Variants in UBR4 observed in about 807,000 individuals in gnomAD.
The protein encoded by UBR4 is E3 ubiquitin-protein ligase UBR4.
A neutral mutation model predicts 575.6 loss-of-function variants in UBR4; 124 were observed. The observed-to-expected ratio is 0.22, with a 90% CI of 0.19 to 0.25. UBR4 has a LOEUF of 0.25. UBR4 is among the 10% of genes least tolerant of loss of function. The probability of loss-of-function intolerance (pLI) is 1.00; values close to 1 mark genes in which losing one functional copy is unlikely to be tolerated. For synonymous variants in UBR4, 2,455 were observed against 2,473.7 expected, an observed-to-expected ratio of 0.99 and a Z score of 0.22; for missense variants, 4,818 against 6,478.8, an observed-to-expected ratio of 0.74 and a Z score of 8.80.
rs74969800 is a variant in UBR4, at chr1:19,105,642, C to T, written c.12503+91G>A. 1,468 of 1,008,834 alleles carry T rather than the reference C, an allele frequency of 1.5e-3. 36 individuals carry two copies. In the East Asian group the frequency reaches 0.034, roughly 23 times the overall value. The allele number at this position is 1,008,834 out of a possible 1,614,324, so 62.5% of individuals were successfully genotyped here. On this transcript the variant is annotated intron_variant, in intron 84 of 105. Transcript: ENST00000375254. ...GGGTCTTCTACCCAGAGGTGTGCCTCTCATTACCCTGATCCATGGATTCCC... is the reference window on the plus strand; with the variant it reads ...GGGTCTTCTACCCAGAGGTGTGCCTTTCATTACCCTGATCCATGGATTCCC...
intron 49 of UBR4, chr1:19,149,929 G>T: frequency 6.7e-6 from 3 of 450,072 alleles, no homozygotes; most frequent in South Asian, 4.7e-5. Context: ...GGAGGGAGGA[G>T]GCTGGTGGTG....
intron 19 of UBR4, 72 bp downstream of exon 19, chr1:19,177,389 G>A: frequency 6.4e-7 from 1 of 1,564,848 alleles, no homozygotes; most frequent in Non-Finnish European, 8.7e-7. Flanking sequence ...TTGGGCTGCG[G>A]ATCATGGTAA....
At chr1:19,106,192 G>A (rs2079174580) in intron 83 of UBR4, among the ~76,000 whole-genome samples, 1 of 152,118 alleles carries the variant, frequency 6.6e-6, no homozygotes, top group Non-Finnish European at 1.5e-5. Flanking sequence ...TGTAAACCAA[G>A]TATTTCTTAT....
At chr1:19,116,536 C>G (rs1362179527) in intron 73 of UBR4, among the ~76,000 whole-genome samples, 1 of 152,144 alleles carries the variant, frequency 6.6e-6, no homozygotes, top group Non-Finnish European at 1.5e-5. Flanking sequence ...AGCAATACTT[C>G]CATCCTGTGT....
Position 19,157,954 on chromosome 1 carries a change from C to T in UBR4, c.5621G>A (p.Arg1874Gln), listed in dbSNP as rs2086678894. The part of the protein sequence containing the change: ...GSQEGAFENV[R>Q]MNYSGDQGQT... ...GCCCTGGTCTCCACTGTAATTCATC[C>T]GCACATTCTCAAAGGCACCTTCCTG... Residue 1874 changes from arginine (R) to glutamine (Q), a missense_variant, in exon 40 of 106, where the codon CGG becomes CAG. By Grantham distance (43) the Arg-to-Gln change is conservative. Around this residue, in one of 29 missense-constraint regions of UBR4, gnomAD observed 15 missense variants for 60.6 expected, o/e 0.25. Coordinates refer to ENST00000375254, the MANE Select transcript of UBR4 (RefSeq NM_020765.3). This position sits in a 1 kb window ranked among gnomAD's most constrained non-coding sequence, Gnocchi z 4.4. 10 of 1,613,988 alleles carry T rather than the reference C, an allele frequency of 6.2e-6. No individual in the cohort carries two copies. The highest frequency in any genetic ancestry group is 1.6e-4 in the Middle Eastern group (1 of 6,062).
rs201678782 is a variant in UBR4, at chr1:19,132,094, CACA to C, written c.8907-3023_8907-3021del. Among the ~76,000 whole-genome samples the C allele has an allele frequency of 7.5e-3, 1,147 of 152,196 alleles. 6 individuals are homozygous for C. Among genetic ancestry groups the C allele is most frequent in the Non-Finnish European group, 9.0e-3 (611 of 67,986 alleles). On this transcript the variant is annotated intron_variant, in intron 60 of 105. Transcript: ENST00000375254. Reference sequence around the variant, plus strand: ...CAATGAAAATACAGCATTATCAAAACACAACATTATCAAAATATGTGAGCTGCA... The same window carrying C: ...CAATGAAAATACAGCATTATCAAAACACATTATCAAAATATGTGAGCTGCA...
chr1:19,101,579 G>A lies in UBR4; in HGVS notation c.12964C>T (p.Leu4322=). The change falls in exon 88 of 106, where the codon CTG becomes TTG. Residue 4322 remains leucine (L), a synonymous_variant. Transcript: ENST00000375254. The part of the protein sequence containing the change: ...VCIETAKRYN[L]DDYRTPVFIF... ...AACACCGGGGTCCGGTAGTCATCCAGATTGTAGCGCTTGGCTGTCTCAATG... is the reference window on the plus strand; with the variant it reads ...AACACCGGGGTCCGGTAGTCATCCAAATTGTAGCGCTTGGCTGTCTCAATG... The A allele has an allele frequency of 6.2e-7, 1 of 1,614,022 alleles. No individual in the cohort carries two copies. Among genetic ancestry groups the A allele is most frequent in the Non-Finnish European group, 8.5e-7 (1 of 1,179,874 alleles).
intron 50 of UBR4, 86 bp downstream of exon 50, chr1:19,148,477 A>G (rs2085178273): frequency 6.7e-6 from 10 of 1,488,200 alleles, no homozygotes; most frequent in African/African-American, 1.4e-5. Context: ...AATGTTCTTT[A>G]GCTTCGAGGC....
intron 17 of UBR4, among the ~76,000 whole-genome samples, chr1:19,183,170 C>T (rs1429795258): frequency 6.6e-6 from 1 of 152,016 alleles, no homozygotes. Context: ...AATACTTTTC[C>T]TATGTTTATT....
intron 19 of UBR4, among the ~76,000 whole-genome samples, chr1:19,177,158 A>T (rs2090351681): frequency 6.6e-6 from 1 of 152,224 alleles, no homozygotes. Flanking sequence ...AATACTCATC[A>T]AGGGCCGATG....
chr1:19,175,229 T>C (rs2090099543), intron 20 of UBR4, among the ~76,000 whole-genome samples, 196 bp from the exon 21 acceptor site: 1 of 152,176 alleles, frequency 6.6e-6, no homozygotes, highest in African/African-American at 2.4e-5. Flanking sequence ...CCCTGGCCTC[T>C]ACCCCCTGAA....
rs747147386 is a variant in UBR4, at chr1:19,185,334, G to GT, written c.1751-49dup. 2.7e-5 allele frequency: 40 copies of GT among 1,496,254 alleles called. 1 individual carries two copies. In the South Asian group the frequency reaches 5.3e-4, roughly 20 times the overall value. The allele number at this position is 1,496,254 out of a possible 1,614,324, so 92.7% of individuals were successfully genotyped here. A position where few individuals can be genotyped will look rare whatever the true frequency, so the allele number is the denominator to read the frequency against. ...ACGAAAATAAATATTTTTTAAAAGT[G>GT]TTTTTGGTGCATCTGCTTCCTAAAA... On this transcript the variant is annotated intron_variant, in intron 14 of 105. Transcript: ENST00000375254.
chr1:19,130,814 A>T (rs558822823), intron 60 of UBR4, among the ~76,000 whole-genome samples: 1 of 152,348 alleles, frequency 6.6e-6, no homozygotes, highest in South Asian at 2.1e-4. Flanking sequence ...ATACAAGTGA[A>T]TACACACACA....
rs1363466134 is a variant in UBR4 at position 19,165,342 on chromosome 1, G to A, written c.4219C>T (p.Leu1407Phe). ...GCTGTTGCCATCATGATCTGTACAA[G>A]TTCTCCACTGGGAGGCAAGATGGGA... Reference protein sequence around the residue: ...MEEFFSDSGELVQIMMATANE... With the variant: ...MEEFFSDSGEFVQIMMATANE... Residue 1407 changes from leucine (L) to phenylalanine (F), a missense_variant, in exon 31 of 106, where the codon CTT becomes TTT. By Grantham distance (22) the Leu-to-Phe change is conservative. Around this residue, in one of 29 missense-constraint regions of UBR4, gnomAD observed 1,172 missense variants for 1,259.7 expected, o/e 0.93. Transcript: ENST00000375254. 1.9e-6 allele frequency: 3 copies of A among 1,612,702 alleles called. No homozygotes were observed. The South Asian group carries it at 3.3e-5, about 18-fold the overall frequency.
chr1:19,101,676 G>C (rs1170906298), intron 87 of UBR4, 35 bp from the exon 88 acceptor site: 1 of 1,581,810 alleles, frequency 6.3e-7, no homozygotes, highest in Admixed American at 1.7e-5. Context: ...TTAGGAAAGA[G>C]CCTCTCCCAT....
chr1:19,123,942 C>A (rs958946184), intron 65 of UBR4, among the ~76,000 whole-genome samples: 3 of 152,200 alleles, frequency 2.0e-5, no homozygotes, highest in African/African-American at 7.2e-5. Flanking sequence ...TGCCAGCTGG[C>A]TCCCTCTTAG....
chr1:19,095,685 C>A, intron 92 of UBR4, 33 bp from the exon 93 acceptor site: 2 of 1,602,166 alleles, frequency 1.2e-6, no homozygotes, highest in Non-Finnish European at 1.7e-6. Context: ...ACCCATGAGG[C>A]CACATGAGAG....
At chr1:19,130,954 G>A (rs1376860854) in intron 60 of UBR4, among the ~76,000 whole-genome samples, 2 of 151,964 alleles carry the variant, frequency 1.3e-5, no homozygotes, top group African/African-American at 2.4e-5. Flanking sequence ...TGTTGCCCAG[G>A]CTGGAGTGCA....
intron 62 of UBR4, 145 bp downstream of exon 62, chr1:19,128,062 AATAC>A (rs1407285850): frequency 1.3e-6 from 1 of 776,258 alleles, no homozygotes; most frequent in Admixed American, 2.3e-5. Context: ...GCAGGCCCTG[AATAC>A]GCTTTTGTTG....
Sources: gnomAD v4.1 joint callset for allele counts (sites outside exome capture counted in the v4.1 genomes callset) on GRCh38, gnomAD v4.1.1 for gene constraint, gnomAD v4.1.1 regional missense constraint, Gnocchi (gnomAD v3.1) non-coding constraint, MANE v1.5 for transcripts, NCBI Gene and HGNC (gene_info 2026-07-23, HGNC 2026-07-21) for gene names.